DSCAM: variants seen among roughly 807,000 people sequenced by gnomAD.
DSCAM encodes the protein DS cell adhesion molecule.
In DSCAM, 47 loss-of-function variants were observed where a neutral mutation model predicts 217.7. The ratio of observed to expected loss-of-function variants is 0.22; its 90% CI spans 0.17 to 0.28. DSCAM has a LOEUF of 0.28. DSCAM is among the 10% of genes least tolerant of loss of function. The pLI, the probability that DSCAM is intolerant of heterozygous loss-of-function variation, is 1.00. For missense variants in DSCAM, 2,080 were observed against 2,618.3 expected (o/e 0.79, Z 4.49); for synonymous variants, 1,056 against 1,015.3 (o/e 1.04, Z -0.76).
At chr21:40,746,767 A>C (rs903461892) in intron 1 of DSCAM, among the ~76,000 whole-genome samples, 14 of 151,958 alleles carry the variant, frequency 9.2e-5, no homozygotes, top group African/African-American at 2.9e-4. Context: ...TTCAGAATAC[A>C]CATTTTTCTC....
chr21:40,108,988 CAA>C (rs1164523297), intron 20 of DSCAM, among the ~76,000 whole-genome samples: 1 of 152,124 alleles, frequency 6.6e-6, no homozygotes, highest in Non-Finnish European at 1.5e-5. Context: ...ACACGATATA[CAA>C]AAATCAACTC....
At chr21:40,742,534 G>C (rs1267959394) in intron 1 of DSCAM, among the ~76,000 whole-genome samples, 1 of 152,178 alleles carries the variant, frequency 6.6e-6, no homozygotes, top group Non-Finnish European at 1.5e-5. Flanking sequence ...GTCCTTCAGA[G>C]TTGCAAGAGA....
chr21:40,718,728 G>C (rs2090870229), intron 1 of DSCAM, among the ~76,000 whole-genome samples: 1 of 152,084 alleles, frequency 6.6e-6, no homozygotes, highest in South Asian at 2.1e-4. Flanking sequence ...AAATCCTCAG[G>C]GATAGGGAGT....
At chr21:40,743,803 T>C (rs1454676037) in intron 1 of DSCAM, among the ~76,000 whole-genome samples, 4 of 152,174 alleles carry the variant, frequency 2.6e-5, no homozygotes, top group African/African-American at 9.7e-5. Context: ...AGGTCAAAAT[T>C]TCTTATAATC....
chr21:40,098,736 T>C (rs1390951742), intron 20 of DSCAM, among the ~76,000 whole-genome samples: 1 of 152,214 alleles, frequency 6.6e-6, no homozygotes, highest in African/African-American at 2.4e-5. Context: ...GTCAGATAAT[T>C]ACTTATTGTC....
chr21:40,600,279 T>C (rs34219546), intron 3 of DSCAM, among the ~76,000 whole-genome samples: 56,202 of 152,090 alleles, frequency 0.37, 10,606 homozygotes, highest in East Asian at 0.56. Context: ...GGAGACTGGA[T>C]AGTCCAAGAT....
chr21:40,799,596 T>C (rs933587079), intron 1 of DSCAM, among the ~76,000 whole-genome samples: 1 of 152,192 alleles, frequency 6.6e-6, no homozygotes, highest in Non-Finnish European at 1.5e-5. Context: ...ATGGGGAATA[T>C]CTGATTTCCC....
At chr21:40,076,189 G>A (rs1332380620) in intron 26 of DSCAM, among the ~76,000 whole-genome samples, 1 of 152,090 alleles carries the variant, frequency 6.6e-6, no homozygotes, top group Non-Finnish European at 1.5e-5. Flanking sequence ...TGCTAAAGCT[G>A]AGAAGAGTGT....
intron 3 of DSCAM, among the ~76,000 whole-genome samples, chr21:40,506,141 C>T (rs545099588): frequency 7.9e-5 from 12 of 152,290 alleles, no homozygotes; most frequent in African/African-American, 2.4e-4. Context: ...AAATGTGTAA[C>T]GCATTTTATA....
intron 3 of DSCAM, among the ~76,000 whole-genome samples, chr21:40,410,971 TCA>T (rs1242609099): frequency 6.6e-6 from 1 of 152,116 alleles, no homozygotes; most frequent in African/African-American, 2.4e-5. Flanking sequence ...CCTTTTATTA[TCA>T]GTTTTAAAAT....
At chr21:40,358,787 G>A (rs1289765045) in intron 4 of DSCAM, among the ~76,000 whole-genome samples, 2 of 135,880 alleles carry the variant, frequency 1.5e-5, no homozygotes, top group Non-Finnish European at 3.1e-5. Flanking sequence ...GGGCAACAAA[G>A]CAAGACTCCA....
At chr21:40,452,413 A>G (rs1282195246) in intron 3 of DSCAM, among the ~76,000 whole-genome samples, 1 of 152,112 alleles carries the variant, frequency 6.6e-6, no homozygotes, top group East Asian at 1.9e-4. Flanking sequence ...GGACATAAAG[A>G]GGTTTATGAT....
At chr21:40,788,658 T>C (rs536837562) in intron 1 of DSCAM, among the ~76,000 whole-genome samples, 20 of 152,364 alleles carry the variant, frequency 1.3e-4, no homozygotes, top group African/African-American at 4.8e-4. Context: ...CAGCATCCTG[T>C]AAATTCATCC....
At chr21:40,141,965 C>T (rs2090295916) in intron 18 of DSCAM, among the ~76,000 whole-genome samples, 2 of 147,346 alleles carry the variant, frequency 1.4e-5, no homozygotes, top group South Asian at 4.2e-4. Flanking sequence ...TTTTGCCCTA[C>T]CACTTGAAAT....
At chr21:40,062,293 T>C (rs1002267198) in intron 28 of DSCAM, among the ~76,000 whole-genome samples, 4 of 152,178 alleles carry the variant, frequency 2.6e-5, no homozygotes, top group African/African-American at 9.7e-5. Context: ...TCTTCATTCA[T>C]CCCCTCCACG....
intron 19 of DSCAM, among the ~76,000 whole-genome samples, chr21:40,131,179 C>T (rs558340796): frequency 1.8e-4 from 28 of 152,174 alleles, no homozygotes; most frequent in East Asian, 3.8e-4. Flanking sequence ...AGTATAAATA[C>T]GATCTGTAAT....
chr21:40,492,510 T>G (rs2076083904), intron 3 of DSCAM, among the ~76,000 whole-genome samples: 1 of 151,980 alleles, frequency 6.6e-6, no homozygotes, highest in African/African-American at 2.4e-5. Flanking sequence ...AAACAATAAA[T>G]GATCAATATT....
chr21:40,805,095 C>G (rs1188691979), intron 1 of DSCAM, among the ~76,000 whole-genome samples: 1 of 152,198 alleles, frequency 6.6e-6, no homozygotes, highest in Non-Finnish European at 1.5e-5. Context: ...TCCCAAATGG[C>G]CTTCTAGAAT....
intron 1 of DSCAM, among the ~76,000 whole-genome samples, chr21:40,780,425 A>ATATATATATATATATG (rs1331227984): frequency 6.5e-5 from 4 of 61,266 alleles, no homozygotes; most frequent in African/African-American, 3.8e-4. Context: ...GTGTGTGTGT[A>ATATATATATATATATG]TATATATATA....
Sources: gnomAD v4.1 joint callset for allele counts (sites outside exome capture counted in the v4.1 genomes callset) on GRCh38, gnomAD v4.1.1 for gene constraint, MANE v1.5 for transcripts, NCBI Gene and HGNC (gene_info 2026-07-23, HGNC 2026-07-21) for gene names.